Variants in FRA10AC1 observed in about 807,000 individuals in gnomAD.
FRA10AC1 encodes protein FRA10AC1.
Under a neutral mutation model 56.5 loss-of-function variants are expected in FRA10AC1, and 43 were observed. The observed-to-expected ratio is 0.76, with a 90% CI of 0.60 to 0.98. The LOEUF is 0.98. Among genes scored for constraint, FRA10AC1 ranks in the 50% least tolerant of loss-of-function variants. The pLI, the probability that FRA10AC1 is intolerant of heterozygous loss-of-function variation, is 0.00. For missense variants in FRA10AC1, 346 were observed against 351.8 expected, an observed-to-expected ratio of 0.98 and a Z score of 0.13; for synonymous variants, 112 against 110.5, an observed-to-expected ratio of 1.01 and a Z score of -0.09.
intron 7 of FRA10AC1, chr10:93,687,794 G>A (rs912982837): frequency 6.1e-6 from 1 of 163,564 alleles, no homozygotes; most frequent in African/African-American, 2.4e-5. Context: ...AGCCTTTGGA[G>A]TCAGATTATT....
In FRA10AC1 at chr10:93,685,738, A is replaced by C. The variant is rs191255975; in HGVS notation, c.512-379T>G. ...CAACATACTCACAAATACCCCCCCC[A>C]AAAAAAAACGCACTTTCCAAAGTAC... is the stretch of plus-strand genomic sequence containing the variant. On this transcript the variant is annotated intron_variant, in intron 8 of 13. Coordinates refer to ENST00000359204, the MANE Select transcript of FRA10AC1 (RefSeq NM_145246.5). Among the ~76,000 whole-genome samples the C allele has an allele frequency of 4.7e-3, 701 of 150,268 alleles. 4 individuals carry two copies. The highest frequency in any genetic ancestry group is 0.015 in the African/African-American group (616 of 40,918).
Position 93,701,722 on chromosome 10 carries a change from A to G in FRA10AC1, c.-1+653T>C, listed in dbSNP as rs142806439. Among the ~76,000 whole-genome samples, 522 of 152,142 alleles carry G rather than the reference A, an allele frequency of 3.4e-3. 3 individuals are homozygous for G. The highest frequency in any genetic ancestry group is 0.012 in the African/African-American group (489 of 41,476). On this transcript the variant is annotated intron_variant, in intron 1 of 13. Coordinates refer to ENST00000359204, the MANE Select transcript of FRA10AC1 (RefSeq NM_145246.5). ...AGGTCAACTCCAGCTGTCTTACCAC[A>G]TCTGTTCAAGCCATATTGTCCTCTC... is the stretch of plus-strand genomic sequence containing the variant.
At chr10:93,692,982 G>A (rs1719962035) in intron 5 of FRA10AC1, among the ~76,000 whole-genome samples, 1 of 152,002 alleles carries the variant, frequency 6.6e-6, no homozygotes, top group African/African-American at 2.4e-5. Context: ...TTATACAAAT[G>A]GTGCTAAGTT....
chr10:93,681,981 CA>C (rs935742890), intron 10 of FRA10AC1, among the ~76,000 whole-genome samples: 1 of 151,758 alleles, frequency 6.6e-6, no homozygotes, highest in African/African-American at 2.4e-5. Flanking sequence ...TAAAAAAACA[CA>C]AAGAAGAAGA....
Position 93,694,922 on chromosome 10 carries a change from T to C in FRA10AC1, c.235A>G (p.Lys79Glu). The C allele has an allele frequency of 6.5e-7, 1 of 1,539,944 alleles. No individual in the cohort carries two copies. Among genetic ancestry groups the C allele is most frequent in the African/African-American group, 1.3e-5 (1 of 74,298 alleles). The change falls in exon 5 of 14, where the codon AAG becomes GAG. Residue 79 changes from lysine to glutamate, a missense_variant. Coordinates refer to ENST00000359204, the MANE Select transcript of FRA10AC1 (RefSeq NM_145246.5). ...IAMDAYQRHT[K>E]FVNDYILYYG... ...TATAAAATATAGTCATTTACGAACTTTGTATGTCTTTGATACTGAAATGCA... is the reference window on the plus strand; with the variant it reads ...TATAAAATATAGTCATTTACGAACTCTGTATGTCTTTGATACTGAAATGCA...
In FRA10AC1 at chr10:93,700,012, TA is replaced by T. The variant is rs754064135; in HGVS notation, c.77+17del. 2.8e-4 allele frequency: 363 copies of T among 1,317,914 alleles called. No homozygotes were observed. The highest frequency in any genetic ancestry group is 3.9e-4 in the Admixed American group (21 of 53,880). 81.6% of individuals were successfully genotyped at this position (1,317,914 alleles called of 1,614,324 possible). A position where few individuals can be genotyped will look rare whatever the true frequency, so the allele number is the denominator to read the frequency against. On this transcript the variant is annotated intron_variant, in intron 2 of 13. Coordinates refer to ENST00000359204, the MANE Select transcript of FRA10AC1 (RefSeq NM_145246.5). The stretch of plus-strand genomic sequence containing the variant: ...AGAAAGGATGTGAAAAATAGATCAA[TA>T]AAAAAAAATTACTTACCTTTTTTTC...
At chr10:93,688,909 C>T (rs1161506321) in intron 7 of FRA10AC1, among the ~76,000 whole-genome samples, 4 of 152,122 alleles carry the variant, frequency 2.6e-5, no homozygotes, top group Admixed American at 2.0e-4. Context: ...CTCATTAGGT[C>T]TTAACCTTGG....
chr10:93,670,054 C>T (rs1056733896), intron 13 of FRA10AC1, among the ~76,000 whole-genome samples, 186 bp from the exon 14 acceptor site: 1 of 151,936 alleles, frequency 6.6e-6, no homozygotes, highest in Non-Finnish European at 1.5e-5. Context: ...CATAACTATA[C>T]CCAGATTGAT....
upstream of FRA10AC1, among the ~76,000 whole-genome samples, chr10:93,702,774 T>C (rs951257431): frequency 4.0e-5 from 6 of 151,836 alleles, no homozygotes; most frequent in Non-Finnish European, 7.4e-5. Context: ...CCTCCTTCCT[T>C]TCCCCTCTAG....
chr10:93,698,291 A>C lies in FRA10AC1; in HGVS notation c.173+10T>G, dbSNP rs1044477449. On this transcript the variant is annotated intron_variant, in intron 3 of 13. Coordinates refer to ENST00000359204, the MANE Select transcript of FRA10AC1 (RefSeq NM_145246.5). Reference sequence around the variant, plus strand: ...AACCAAGAAATAGAATTGACACTGAAATACCATACCTATCCAGCAATTCTG... The same window carrying C: ...AACCAAGAAATAGAATTGACACTGACATACCATACCTATCCAGCAATTCTG... The C allele has an allele frequency of 6.3e-7, 1 of 1,585,982 alleles. No individual in the cohort carries two copies. The highest frequency in any genetic ancestry group is 8.6e-7 in the Non-Finnish European group (1 of 1,156,190).
chr10:93,669,504 G>A lies in FRA10AC1; in HGVS notation c.*322C>T, dbSNP rs1388436283. 1 of 229,262 alleles carries A rather than the reference G, an allele frequency of 4.4e-6. No homozygotes were observed. Among genetic ancestry groups the A allele is most frequent in the Non-Finnish European group, 8.3e-6 (1 of 119,882 alleles). 14.2% of individuals were successfully genotyped at this position (229,262 alleles called of 1,614,324 possible). On this transcript the variant is annotated 3_prime_UTR_variant, in exon 14 of 14. Coordinates refer to ENST00000359204, the MANE Select transcript of FRA10AC1 (RefSeq NM_145246.5). ...AAATAAAATAATGAAGGCAAGAGAA[G>A]ATACATAATGAAGGCAGTGAAAAAA...
At chr10:93,685,496 A>G (rs1336669763) in intron 8 of FRA10AC1, 137 bp from the exon 9 acceptor site, 3 of 524,340 alleles carry the variant, frequency 5.7e-6, no homozygotes, top group Non-Finnish European at 1.0e-5. Context: ...CCAGAGTAAT[A>G]TGTTCAACCA....
At chr10:93,694,413 A>G (rs1328138175) in intron 5 of FRA10AC1, among the ~76,000 whole-genome samples, 1 of 152,040 alleles carries the variant, frequency 6.6e-6, no homozygotes. Context: ...TCTCTACCTT[A>G]TAATATAAAA....
At chr10:93,678,201 G>A (rs1264277749) in intron 11 of FRA10AC1, among the ~76,000 whole-genome samples, 1 of 152,156 alleles carries the variant, frequency 6.6e-6, no homozygotes, top group African/African-American at 2.4e-5. Context: ...GAAGGATGAC[G>A]TAGCTTTTGG....
At position 93,668,967 on chromosome 10, in the gene FRA10AC1, T is replaced by C. The variant is rs2058719981; in HGVS notation, c.*859A>G. On this transcript the variant is annotated 3_prime_UTR_variant, in exon 14 of 14. Transcript: ENST00000359204. ...TCAGTTAAATTATCTTACTGCATAA[T>C]CTCTGCCGGGGAGGCAATTTTTGTG... 1 of 152,148 alleles carries C rather than the reference T, an allele frequency of 6.6e-6. No homozygotes were observed. Among genetic ancestry groups the C allele is most frequent in the South Asian group, 2.1e-4 (1 of 4,830 alleles). 9.4% of individuals were successfully genotyped at this position (152,148 alleles called of 1,614,324 possible). A position where few individuals can be genotyped will look rare whatever the true frequency, so the allele number is the denominator to read the frequency against.
intron 5 of FRA10AC1, among the ~76,000 whole-genome samples, chr10:93,693,362 A>G (rs2059156301): frequency 6.6e-6 from 1 of 150,478 alleles, no homozygotes; most frequent in African/African-American, 2.4e-5. Flanking sequence ...AACCTCACAT[A>G]AAACTAAGAA....
intron 1 of FRA10AC1, among the ~76,000 whole-genome samples, chr10:93,701,348 G>A (rs1212290152): frequency 2.0e-5 from 3 of 152,160 alleles, no homozygotes; most frequent in Non-Finnish European, 2.9e-5. Flanking sequence ...TGGAAAAAGA[G>A]GAAAGAACTC....
At chr10:93,697,892 G>A (rs567075927) in intron 4 of FRA10AC1, among the ~76,000 whole-genome samples, 35 of 152,186 alleles carry the variant, frequency 2.3e-4, no homozygotes, top group African/African-American at 8.2e-4. Flanking sequence ...GCAGATTCAT[G>A]TACTTTATAA....
chr10:93,702,581 G>A lies in FRA10AC1; in HGVS notation c.-207C>T, dbSNP rs942386142. 4.5e-6 allele frequency: 1 copy of A among 222,614 alleles called. No individual in the cohort carries two copies. The highest frequency in any genetic ancestry group is 5.3e-5 in the South Asian group (1 of 18,956). The allele number at this position is 222,614 out of a possible 1,614,324, so 13.8% of individuals were successfully genotyped here. ...CGCCTCTCCCTACGGGTCCCGACTG[G>A]GCACCACTTCCGGTCCGACACGGCC... On this transcript the variant is annotated 5_prime_UTR_variant, in exon 1 of 14. Coordinates refer to ENST00000359204, the MANE Select transcript of FRA10AC1 (RefSeq NM_145246.5).
Sources: allele counts gnomAD v4.1 joint callset (sites outside exome capture counted in the v4.1 genomes callset), GRCh38; gene constraint gnomAD v4.1.1; transcripts MANE v1.5; gene names NCBI Gene and HGNC (gene_info 2026-07-23, HGNC 2026-07-21).